Variants in RAP2B observed in about 807,000 individuals in gnomAD.
RAP2B encodes ras-related protein Rap-2b.
A neutral mutation model predicts 14.4 loss-of-function variants in RAP2B; 6 were observed. That is an observed-to-expected ratio of 0.42 (90% confidence interval 0.23 to 0.82). RAP2B has a LOEUF of 0.82. Among genes scored for constraint, RAP2B ranks in the 40% least tolerant of loss-of-function variants. The pLI is 0.30. For synonymous variants in RAP2B, 118 were observed against 113.2 expected, an observed-to-expected ratio of 1.04 and a Z score of -0.27; for missense variants, 137 against 248.2, an observed-to-expected ratio of 0.55 and a Z score of 3.01.
rs1713484582 is a variant in RAP2B at position 153,163,660 on chromosome 3, C to CTTTTT, written c.*418_*419insTTTTT. The CTTTTT allele has an allele frequency of 1.2e-5, 1 of 81,144 alleles. No homozygotes were observed. The highest frequency in any genetic ancestry group is 2.4e-5 in the Non-Finnish European group (1 of 41,570). The allele number at this position is 81,144 out of a possible 1,614,324, so 5.0% of individuals were successfully genotyped here. A position where few individuals can be genotyped will look rare whatever the true frequency, so the allele number is the denominator to read the frequency against. The stretch of plus-strand genomic sequence containing the variant: ...GTTTTTTTTTTTTTTTTTCTATTTT[C>CTTTTT]TTTCTTTTTTTTTTTTTTTTTTTTT... On this transcript the variant is annotated 3_prime_UTR_variant, in exon 1 of 1. Transcript: ENST00000323534.
Position 153,163,291 on chromosome 3 carries a change from G to A in RAP2B, c.*46G>A. 6.7e-7 allele frequency: 1 copy of A among 1,486,618 alleles called. No homozygotes were observed. The highest frequency in any genetic ancestry group is 8.9e-7 in the Non-Finnish European group (1 of 1,120,682). 92.1% of individuals were successfully genotyped at this position (1,486,618 alleles called of 1,614,324 possible). A position where few individuals can be genotyped will look rare whatever the true frequency, so the allele number is the denominator to read the frequency against. On this transcript the variant is annotated 3_prime_UTR_variant, in exon 1 of 1. Transcript: ENST00000323534. ...CGCGCTCTGCGCACAAAAGCCAAAC[G>A]CATCCGACTCTCTAAATGTGATTTA...
In RAP2B at chr3:153,168,433, T is replaced by C. The variant is rs763283792; in HGVS notation, c.*5188T>C. On this transcript the variant is annotated 3_prime_UTR_variant, in exon 1 of 1. Coordinates refer to ENST00000323534, the MANE Select transcript of RAP2B (RefSeq NM_002886.4). ...TTAATGCTTCCTGGACTTCAGTTAT[T>C]TTCTTGCTTTTGCCTCAAGAATAAT... 1.8e-5 allele frequency: 3 copies of C among 166,952 alleles called. No individual in the cohort carries two copies. Among genetic ancestry groups the C allele is most frequent in the Non-Finnish European group, 4.4e-5 (3 of 68,120 alleles). The allele number at this position is 166,952 out of a possible 1,614,324, so 10.3% of individuals were successfully genotyped here. A position where few individuals can be genotyped will look rare whatever the true frequency, so the allele number is the denominator to read the frequency against.
At position 153,169,606 on chromosome 3, in the gene RAP2B, C is replaced by A. The variant is rs760093184; in HGVS notation, c.*6361C>A. ...GATTACAGGCGTGCACCACCACGCC[C>A]GCCTAATTTTTGTATTTTTAGTAGA... is the stretch of plus-strand genomic sequence containing the variant. On this transcript the variant is annotated 3_prime_UTR_variant, in exon 1 of 1. Transcript: ENST00000323534. The A allele has an allele frequency of 6.6e-6, 1 of 152,274 alleles. No individual in the cohort carries two copies. Among genetic ancestry groups the A allele is most frequent in the African/African-American group, 2.4e-5 (1 of 41,390 alleles). 9.4% of individuals were successfully genotyped at this position (152,274 alleles called of 1,614,324 possible). A position where few individuals can be genotyped will look rare whatever the true frequency, so the allele number is the denominator to read the frequency against.
Position 153,165,082 on chromosome 3 carries a change from A to G in RAP2B, c.*1837A>G, listed in dbSNP as rs1369257142. On this transcript the variant is annotated 3_prime_UTR_variant, in exon 1 of 1. Transcript: ENST00000323534. ...AAAGTAACCATCCTTCTGGCAAAGTAGGATGGCACTTTTAAGTTTTTCTTC... is the reference window on the plus strand; with the variant it reads ...AAAGTAACCATCCTTCTGGCAAAGTGGGATGGCACTTTTAAGTTTTTCTTC... 1 of 166,914 alleles carries G rather than the reference A, an allele frequency of 6.0e-6. No individual in the cohort carries two copies. Among genetic ancestry groups the G allele is most frequent in the African/African-American group, 2.4e-5 (1 of 41,466 alleles). The allele number at this position is 166,914 out of a possible 1,614,324, so 10.3% of individuals were successfully genotyped here.
chr3:153,166,204 G>A lies in RAP2B; in HGVS notation c.*2959G>A, dbSNP rs535809254. 1.2e-4 allele frequency: 20 copies of A among 166,824 alleles called. No homozygotes were observed. Among genetic ancestry groups the A allele is most frequent in the Non-Finnish European group, 2.2e-4 (15 of 68,088 alleles). 10.3% of individuals were successfully genotyped at this position (166,824 alleles called of 1,614,324 possible). The stretch of plus-strand genomic sequence containing the variant: ...GGATTATCAATGAAAGCAATTTTAT[G>A]TGTGCCTGAAGCAAGAAAATAGCGT... On this transcript the variant is annotated 3_prime_UTR_variant, in exon 1 of 1. Coordinates refer to ENST00000323534, the MANE Select transcript of RAP2B (RefSeq NM_002886.4).
chr3:153,166,146 CTT>C lies in RAP2B; in HGVS notation c.*2904_*2905del, dbSNP rs1228454555. ...TGGCAGAGCAGAAGATTTTAATATG[CTT>C]TTATTAAGTGATGTAAAATAAATGC... is the stretch of plus-strand genomic sequence containing the variant. On this transcript the variant is annotated 3_prime_UTR_variant, in exon 1 of 1. Coordinates refer to ENST00000323534, the MANE Select transcript of RAP2B (RefSeq NM_002886.4). 1.2e-5 allele frequency: 2 copies of C among 166,956 alleles called. No homozygotes were observed. The highest frequency in any genetic ancestry group is 4.8e-5 in the African/African-American group (2 of 41,408). The allele number at this position is 166,956 out of a possible 1,614,324, so 10.3% of individuals were successfully genotyped here.
chr3:153,163,374 G>T lies in RAP2B; in HGVS notation c.*129G>T. 7.5e-7 allele frequency: 1 copy of T among 1,330,556 alleles called. No homozygotes were observed. Among genetic ancestry groups the T allele is most frequent in the African/African-American group, 1.5e-5 (1 of 67,228 alleles). The allele number at this position is 1,330,556 out of a possible 1,614,324, so 82.4% of individuals were successfully genotyped here. A position where few individuals can be genotyped will look rare whatever the true frequency, so the allele number is the denominator to read the frequency against. On this transcript the variant is annotated 3_prime_UTR_variant, in exon 1 of 1. Coordinates refer to ENST00000323534, the MANE Select transcript of RAP2B (RefSeq NM_002886.4). ...TTGGCCAGGGTGTCTTGGGAGCCCGGCTGGCCTCCGCGGCCGGCGTCCCCT... is the reference window on the plus strand; with the variant it reads ...TTGGCCAGGGTGTCTTGGGAGCCCGTCTGGCCTCCGCGGCCGGCGTCCCCT...
Position 153,163,641 on chromosome 3 carries a change from T to TG in RAP2B, c.*396_*397insG, listed in dbSNP as rs1258041908. 5.9e-6 allele frequency: 1 copy of TG among 169,132 alleles called. No individual in the cohort carries two copies. The highest frequency in any genetic ancestry group is 2.4e-5 in the African/African-American group (1 of 41,040). 10.5% of individuals were successfully genotyped at this position (169,132 alleles called of 1,614,324 possible). A position where few individuals can be genotyped will look rare whatever the true frequency, so the allele number is the denominator to read the frequency against. On this transcript the variant is annotated 3_prime_UTR_variant, in exon 1 of 1. Transcript: ENST00000323534. Reference sequence around the variant, plus strand: ...GGGAGAGAAGGTGGAAATGGTTTTTTTTTTTTTTTTTCTATTTTCTTTCTT... The same window carrying TG: ...GGGAGAGAAGGTGGAAATGGTTTTTTGTTTTTTTTTTTCTATTTTCTTTCTT...
chr3:153,163,996 T>C lies in RAP2B; in HGVS notation c.*751T>C, dbSNP rs1361920414. ...GGGTGCCAGAAAGTGTCTGCTGATA[T>C]TTGTGGAAAAAAAATCTATTTTGTT... On this transcript the variant is annotated 3_prime_UTR_variant, in exon 1 of 1. Transcript: ENST00000323534. 6.0e-6 allele frequency: 1 copy of C among 166,722 alleles called. No individual in the cohort carries two copies. Among genetic ancestry groups the C allele is most frequent in the Non-Finnish European group, 1.5e-5 (1 of 68,070 alleles). The allele number at this position is 166,722 out of a possible 1,614,324, so 10.3% of individuals were successfully genotyped here.
rs1182365718 is a variant in RAP2B, at chr3:153,170,558, T to G, written c.*7313T>G. 6.6e-6 allele frequency: 1 copy of G among 152,180 alleles called. No homozygotes were observed. Among genetic ancestry groups the G allele is most frequent in the Non-Finnish European group, 1.5e-5 (1 of 68,046 alleles). 9.4% of individuals were successfully genotyped at this position (152,180 alleles called of 1,614,324 possible). A position where few individuals can be genotyped will look rare whatever the true frequency, so the allele number is the denominator to read the frequency against. ...TTTGGCAGACAATAGAGTAGATAAA[T>G]TTATTGAACATTGGGCCTTTGAAAG... is the stretch of plus-strand genomic sequence containing the variant. On this transcript the variant is annotated 3_prime_UTR_variant, in exon 1 of 1. Coordinates refer to ENST00000323534, the MANE Select transcript of RAP2B (RefSeq NM_002886.4).
Position 153,166,931 on chromosome 3 carries a change from A to G in RAP2B, c.*3686A>G, listed in dbSNP as rs1299973475. The G allele has an allele frequency of 6.0e-6, 1 of 166,962 alleles. No individual in the cohort carries two copies. The highest frequency in any genetic ancestry group is 1.5e-5 in the Non-Finnish European group (1 of 68,086). 10.3% of individuals were successfully genotyped at this position (166,962 alleles called of 1,614,324 possible). A position where few individuals can be genotyped will look rare whatever the true frequency, so the allele number is the denominator to read the frequency against. ...CAGGGGGTATGAGAAACAGAAAGCTATATGTAGCAGCTGGTCTTGAGAAGT... is the reference window on the plus strand; with the variant it reads ...CAGGGGGTATGAGAAACAGAAAGCTGTATGTAGCAGCTGGTCTTGAGAAGT... On this transcript the variant is annotated 3_prime_UTR_variant, in exon 1 of 1. Coordinates refer to ENST00000323534, the MANE Select transcript of RAP2B (RefSeq NM_002886.4).
rs984161262 is a variant in RAP2B, at chr3:153,167,750, T to C, written c.*4505T>C. The C allele has an allele frequency of 3.0e-5, 5 of 167,058 alleles. No individual in the cohort carries two copies. Among genetic ancestry groups the C allele is most frequent in the African/African-American group, 9.6e-5 (4 of 41,468 alleles). The allele number at this position is 167,058 out of a possible 1,614,324, so 10.3% of individuals were successfully genotyped here. A position where few individuals can be genotyped will look rare whatever the true frequency, so the allele number is the denominator to read the frequency against. ...CATTATTACAGGAACATTTTGACTA[T>C]GGTTTTCAATGTTAATTCAGAAGTT... On this transcript the variant is annotated 3_prime_UTR_variant, in exon 1 of 1. Transcript: ENST00000323534.
In RAP2B at chr3:153,163,281, A is replaced by G. The variant is rs1240930052; in HGVS notation, c.*36A>G. 2.0e-6 allele frequency: 3 copies of G among 1,496,342 alleles called. No homozygotes were observed. Among genetic ancestry groups the G allele is most frequent in the Non-Finnish European group, 2.7e-6 (3 of 1,125,918 alleles). 92.7% of individuals were successfully genotyped at this position (1,496,342 alleles called of 1,614,324 possible). ...GCGCGCCGGCCGCGCTCTGCGCACAAAAGCCAAACGCATCCGACTCTCTAA... is the reference window on the plus strand; with the variant it reads ...GCGCGCCGGCCGCGCTCTGCGCACAGAAGCCAAACGCATCCGACTCTCTAA... On this transcript the variant is annotated 3_prime_UTR_variant, in exon 1 of 1. Coordinates refer to ENST00000323534, the MANE Select transcript of RAP2B (RefSeq NM_002886.4).
In RAP2B at chr3:153,169,454, C is replaced by G. The variant is rs1321271948; in HGVS notation, c.*6209C>G. 2.1e-5 allele frequency: 3 copies of G among 142,916 alleles called. No homozygotes were observed. The highest frequency in any genetic ancestry group is 4.5e-5 in the Non-Finnish European group (3 of 66,214). 8.9% of individuals were successfully genotyped at this position (142,916 alleles called of 1,614,324 possible). On this transcript the variant is annotated 3_prime_UTR_variant, in exon 1 of 1. Transcript: ENST00000323534. ...TACAGGTGTGAGCCACCGCACCCAG[C>G]CTTTTTTTTGAAATGGAGTCTGGCT...
At position 153,162,502 on chromosome 3, in the gene RAP2B, GCCGCCGCCGGCC is replaced by G. The variant is rs1458030784; in HGVS notation, c.-191_-180del. ...ACCCGCACCCCAGGGATACGCTGCC[GCCGCCGCCGGCC>G]GGCCCGGCGCCCGGCCTCCGTTCGG... On this transcript the variant is annotated 5_prime_UTR_variant, in exon 1 of 1. Transcript: ENST00000323534. This position sits in a 1 kb window ranked among gnomAD's most constrained non-coding sequence, Gnocchi z 4.9. 1 of 593,736 alleles carries G rather than the reference GCCGCCGCCGGCC, an allele frequency of 1.7e-6. No individual in the cohort carries two copies. Among genetic ancestry groups the G allele is most frequent in the East Asian group, 3.4e-5 (1 of 29,610 alleles). 36.8% of individuals were successfully genotyped at this position (593,736 alleles called of 1,614,324 possible). A position where few individuals can be genotyped will look rare whatever the true frequency, so the allele number is the denominator to read the frequency against.
In RAP2B at chr3:153,169,779, A is replaced by T. The variant is rs1165226730; in HGVS notation, c.*6534A>T. 1 of 151,744 alleles carries T rather than the reference A, an allele frequency of 6.6e-6. No homozygotes were observed. Among genetic ancestry groups the T allele is most frequent in the African/African-American group, 2.4e-5 (1 of 41,278 alleles). The allele number at this position is 151,744 out of a possible 1,614,324, so 9.4% of individuals were successfully genotyped here. ...TTTATTTAAAAAAAAAATTGTAGAG[A>T]TAGGGTCTTGCCGTGTTGCCCAGGC... is the stretch of plus-strand genomic sequence containing the variant. On this transcript the variant is annotated 3_prime_UTR_variant, in exon 1 of 1. Transcript: ENST00000323534.
rs1394470194 is a variant in RAP2B at position 153,165,117 on chromosome 3, C to T, written c.*1872C>T. ...TTTTAAGTTTTTCTTCCTTTTTTCC[C>T]TCTGTTTATATTGCACATCAAGTCA... On this transcript the variant is annotated 3_prime_UTR_variant, in exon 1 of 1. Transcript: ENST00000323534. 6.0e-6 allele frequency: 1 copy of T among 166,906 alleles called. No homozygotes were observed. Among genetic ancestry groups the T allele is most frequent in the Non-Finnish European group, 1.5e-5 (1 of 68,078 alleles). The allele number at this position is 166,906 out of a possible 1,614,324, so 10.3% of individuals were successfully genotyped here. A position where few individuals can be genotyped will look rare whatever the true frequency, so the allele number is the denominator to read the frequency against.
In RAP2B at chr3:153,162,613, G is replaced by T; in HGVS notation, c.-81G>T. On this transcript the variant is annotated 5_prime_UTR_variant, in exon 1 of 1. Transcript: ENST00000323534. This position sits in a 1 kb window ranked among gnomAD's most constrained non-coding sequence, Gnocchi z 4.9. Reference sequence around the variant, plus strand: ...GCGTAGCTGAGGAAGGGGAAGAGAAGTCCAGCCGCCAAGCCCAGCCTTCCC... The same window carrying T: ...GCGTAGCTGAGGAAGGGGAAGAGAATTCCAGCCGCCAAGCCCAGCCTTCCC... 1 of 1,445,914 alleles carries T rather than the reference G, an allele frequency of 6.9e-7. No homozygotes were observed. The highest frequency in any genetic ancestry group is 9.2e-7 in the Non-Finnish European group (1 of 1,091,626). The allele number at this position is 1,445,914 out of a possible 1,614,324, so 89.6% of individuals were successfully genotyped here.
Position 153,163,109 on chromosome 3 carries a change from G to A in RAP2B, c.416G>A (p.Ser139Asn). 6.2e-7 allele frequency: 1 copy of A among 1,613,756 alleles called. No individual in the cohort carries two copies. Among genetic ancestry groups the A allele is most frequent in the Non-Finnish European group, 8.5e-7 (1 of 1,180,022 alleles). ...GGCAAGGCCCTGGCTGAGGAGTGGA[G>A]CTGCCCCTTCATGGAGACGTCGGCC... ...GEGKALAEEW[S>N]CPFMETSAKN... Residue 139 changes from serine to asparagine, a missense_variant, in exon 1 of 1, where the codon AGC becomes AAC. Transcript: ENST00000323534.
Sources: allele counts gnomAD v4.1 joint callset, GRCh38; gene constraint gnomAD v4.1.1; non-coding constraint Gnocchi (gnomAD v3.1); transcripts MANE v1.5; gene names NCBI Gene and HGNC (gene_info 2026-07-23, HGNC 2026-07-21).